ATRNL1: variants seen among roughly 807,000 people sequenced by gnomAD.
The protein encoded by ATRNL1 is attractin like 1, also known as attractin-like protein 1.
Under a neutral mutation model 182.7 loss-of-function variants are expected in ATRNL1, and 95 were observed. The ratio of observed to expected loss-of-function variants is 0.52; its 90% CI spans 0.44 to 0.62. The LOEUF is 0.62. Among genes scored for constraint, ATRNL1 ranks in the 20% least tolerant of loss-of-function variants. ATRNL1 has a pLI of 0.00. For synonymous variants in ATRNL1, 576 were observed against 568.3 expected, an observed-to-expected ratio of 1.01 and a Z score of -0.19; for missense variants, 1,471 against 1,679.5, an observed-to-expected ratio of 0.88 and a Z score of 2.17.
At chr10:115,317,639 T>C (rs1315295033) in intron 18 of ATRNL1, among the ~76,000 whole-genome samples, 1 of 152,188 alleles carries the variant, frequency 6.6e-6, no homozygotes, top group Non-Finnish European at 1.5e-5. Flanking sequence ...TTCTAGGTAT[T>C]TTATTCTCTT....
intron 21 of ATRNL1, among the ~76,000 whole-genome samples, chr10:115,461,371 G>A (rs1032300661): frequency 1.3e-5 from 2 of 151,968 alleles, no homozygotes; most frequent in African/African-American, 4.8e-5. Context: ...TTGTATCATT[G>A]TGAATAAAGG....
intron 13 of ATRNL1, among the ~76,000 whole-genome samples, chr10:115,274,876 A>G (rs978932802): frequency 2.6e-5 from 4 of 152,220 alleles, no homozygotes; most frequent in Admixed American, 6.5e-5. Flanking sequence ...TGATAAGGCA[A>G]TTACAATTGG....
At chr10:115,695,517 C>G (rs782719881) in intron 26 of ATRNL1, among the ~76,000 whole-genome samples, 69 of 152,188 alleles carry the variant, frequency 4.5e-4, no homozygotes, top group Admixed American at 8.5e-4. Context: ...TGATGTCATT[C>G]TAAAACCCAC....
At chr10:115,228,070 A>C (rs1849769159) in intron 9 of ATRNL1, among the ~76,000 whole-genome samples, 1 of 152,168 alleles carries the variant, frequency 6.6e-6, no homozygotes, top group Admixed American at 6.6e-5. Context: ...AAATTTATAA[A>C]AAAATAGAAA....
In ATRNL1 at chr10:115,789,503, G is replaced by A. The variant is rs201533587; in HGVS notation, c.3904-58374G>A. 2.6e-5 allele frequency among the ~76,000 whole-genome samples: 4 copies of A among 152,266 alleles called. No individual in the cohort carries two copies. In the East Asian group the frequency reaches 7.7e-4, roughly 29 times the overall value. On this transcript the variant is annotated intron_variant, in intron 27 of 28. Transcript: ENST00000355044. ...CACCCTGCGCTCCTCCCAGGGCACC[G>A]AGCACTACTGCTGAAAGGGCTCAAC...
intron 28 of ATRNL1, among the ~76,000 whole-genome samples, chr10:115,893,302 G>A (rs966409023): frequency 1.1e-4 from 16 of 152,154 alleles, no homozygotes; most frequent in Non-Finnish European, 1.3e-4. Flanking sequence ...ATAGTCTATC[G>A]CTGGGAAGGA....
chr10:115,759,841 ATTTT>A (rs58578796), intron 27 of ATRNL1, among the ~76,000 whole-genome samples: 1 of 62,694 alleles, frequency 1.6e-5, no homozygotes, highest in African/African-American at 7.1e-5. Context: ...ACACCTGGCT[ATTTT>A]TTTTTTTTTT....
At chr10:115,324,722 T>C (rs1284187937) in intron 18 of ATRNL1, among the ~76,000 whole-genome samples, 1 of 152,216 alleles carries the variant, frequency 6.6e-6, no homozygotes, top group African/African-American at 2.4e-5. Context: ...TTTTCATAGA[T>C]AGTGTCTCCA....
chr10:115,639,012 A>G (rs1592990105), intron 26 of ATRNL1, among the ~76,000 whole-genome samples: 1 of 152,196 alleles, frequency 6.6e-6, no homozygotes, highest in South Asian at 2.1e-4. Flanking sequence ...AACTATCCCA[A>G]TTTGGCAAAA....
At chr10:115,837,384 T>C (rs1950699594) in intron 27 of ATRNL1, among the ~76,000 whole-genome samples, 1 of 151,582 alleles carries the variant, frequency 6.6e-6, no homozygotes, top group African/African-American at 2.4e-5. Context: ...TTTTCCCTCT[T>C]ACCTGACTTG....
Position 115,301,834 on chromosome 10 carries a change from G to A in ATRNL1, c.2630-21G>A, listed in dbSNP as rs782332164. On this transcript the variant is annotated intron_variant, in intron 16 of 28. Coordinates refer to ENST00000355044, the MANE Select transcript of ATRNL1 (RefSeq NM_207303.4). ...ACATGAAGTTAAAAATGAAATTATT[G>A]TATTTGTTTATTTATTCCAGTTAGT... is the stretch of plus-strand genomic sequence containing the variant. 5 of 1,560,042 alleles carry A rather than the reference G, an allele frequency of 3.2e-6. No homozygotes were observed. In the South Asian group the frequency reaches 6.0e-5, roughly 19 times the overall value.
intron 27 of ATRNL1, among the ~76,000 whole-genome samples, chr10:115,758,892 A>C (rs1411278609): frequency 6.6e-6 from 1 of 152,246 alleles, no homozygotes; most frequent in Non-Finnish European, 1.5e-5. Context: ...TAAATGTTAA[A>C]ATACATTAGC....
chr10:115,571,979 T>C (rs1854420547), intron 26 of ATRNL1, among the ~76,000 whole-genome samples: 1 of 152,096 alleles, frequency 6.6e-6, no homozygotes, highest in South Asian at 2.1e-4. Flanking sequence ...AAAAGCCATG[T>C]ATTGTATGAT....
intron 24 of ATRNL1, among the ~76,000 whole-genome samples, chr10:115,480,652 A>G (rs1452618931): frequency 6.6e-6 from 1 of 151,160 alleles, no homozygotes; most frequent in Non-Finnish European, 1.5e-5. Flanking sequence ...TCTAATAGCT[A>G]TAAAATAATA....
Position 115,117,579 on chromosome 10 carries a change from C to A in ATRNL1, c.294-2606C>A, listed in dbSNP as rs567126450. 2.0e-5 allele frequency among the ~76,000 whole-genome samples: 3 copies of A among 152,138 alleles called. No homozygotes were observed. In the East Asian group the frequency reaches 5.8e-4, roughly 29 times the overall value. ...AATAGTAATTCATTGTGTTTATGTA[C>A]CACATTTCTTTATCTGTTCATCTGT... On this transcript the variant is annotated intron_variant, in intron 1 of 28. Transcript: ENST00000355044.
At chr10:115,411,239 C>T (rs753914823) in intron 20 of ATRNL1, among the ~76,000 whole-genome samples, 6 of 147,896 alleles carry the variant, frequency 4.1e-5, no homozygotes, top group South Asian at 2.1e-4. Context: ...TCTAAGTGTT[C>T]GTATTATAAA....
intron 20 of ATRNL1, among the ~76,000 whole-genome samples, chr10:115,424,732 C>T (rs782697152): frequency 3.3e-5 from 5 of 151,956 alleles, no homozygotes; most frequent in South Asian, 2.1e-4. Flanking sequence ...TGATCTCATA[C>T]AAGTTGAGAG....
At chr10:115,400,013 A>G (rs1298850571) in intron 20 of ATRNL1, among the ~76,000 whole-genome samples, 1 of 152,114 alleles carries the variant, frequency 6.6e-6, no homozygotes, top group African/African-American at 2.4e-5. Flanking sequence ...ATTGGAGAAG[A>G]TTTTTGCAAA....
chr10:115,729,536 T>TGTGTGTGTGTGTGTG (rs1593135565), intron 27 of ATRNL1, among the ~76,000 whole-genome samples: 1 of 146,004 alleles, frequency 6.8e-6, no homozygotes, highest in African/African-American at 2.5e-5. Flanking sequence ...TGTGTGTGTG[T>TGTGTGTGTGTGTGTG]TGTTACTAGC....
Sources: gnomAD v4.1 joint callset for allele counts (sites outside exome capture counted in the v4.1 genomes callset) on GRCh38, gnomAD v4.1.1 for gene constraint, MANE v1.5 for transcripts, NCBI Gene and HGNC (gene_info 2026-07-23, HGNC 2026-07-21) for gene names.